The following PCDHA12 variants were observed in gnomAD, a reference collection of about 807,000 sequenced individuals.
PCDHA12 encodes the protein protocadherin alpha 12.
A neutral mutation model predicts 60.0 loss-of-function variants in PCDHA12; 44 were observed. The ratio of observed to expected loss-of-function variants is 0.73; its 90% CI spans 0.58 to 0.94. The LOEUF (loss-of-function observed/expected upper bound fraction) is 0.94. PCDHA12 is among the 40% of genes least tolerant of loss of function. PCDHA12 has a pLI of 0.00. For synonymous variants in PCDHA12, 569 were observed against 553.0 expected, an observed-to-expected ratio of 1.03 and a Z score of -0.40; for missense variants, 1,276 against 1,239.7, an observed-to-expected ratio of 1.03 and a Z score of -0.44.
At chr5:140,911,560 A>T (rs1554194794) in intron 1 of PCDHA12, among the ~76,000 whole-genome samples, 2 of 152,170 alleles carry the variant, frequency 1.3e-5, no homozygotes, top group Non-Finnish European at 2.9e-5. Flanking sequence ...ATTTTCTTTC[A>T]TCACTTTGTC....
intron 1 of PCDHA12, among the ~76,000 whole-genome samples, chr5:140,919,699 C>T (rs946203919): frequency 3.3e-5 from 5 of 152,084 alleles, no homozygotes; most frequent in African/African-American, 1.2e-4. Context: ...TTTATATTAA[C>T]TTAATTCTAG....
chr5:141,006,436 A>G (rs2153987648), intron 3 of PCDHA12, among the ~76,000 whole-genome samples: 1 of 152,098 alleles, frequency 6.6e-6, no homozygotes, highest in African/African-American at 2.4e-5. Context: ...GATGGTCTCA[A>G]TCTCCTGACC....
chr5:140,981,498 T>C (rs1299157295), intron 2 of PCDHA12, among the ~76,000 whole-genome samples: 1 of 152,146 alleles, frequency 6.6e-6, no homozygotes, highest in African/African-American at 2.4e-5. Context: ...TGCTTGAACC[T>C]GGGAGGCAGA....
chr5:140,882,490 T>C, intron 1 of PCDHA12: 1 of 1,614,024 alleles, frequency 6.2e-7, no homozygotes, highest in Non-Finnish European at 8.5e-7. Context: ...ACGGGGACCT[T>C]CTGGAGGTAA....
At chr5:140,974,165 G>A (rs1298109600) in intron 1 of PCDHA12, among the ~76,000 whole-genome samples, 1 of 152,164 alleles carries the variant, frequency 6.6e-6, no homozygotes, top group Admixed American at 6.5e-5. Flanking sequence ...TTTCTTTCAA[G>A]AATTTTAACT....
chr5:141,005,664 T>G (rs1554260244), intron 3 of PCDHA12, among the ~76,000 whole-genome samples: 1 of 122,102 alleles, frequency 8.2e-6, no homozygotes. Flanking sequence ...ATCGCGCCAC[T>G]GCACTCCAGC....
In PCDHA12 at chr5:140,876,487, G is replaced by A. The variant is rs782413739; in HGVS notation, c.1015G>A (p.Glu339Lys). The A allele has an allele frequency of 4.3e-6, 7 of 1,613,904 alleles. No individual in the cohort carries two copies. Among genetic ancestry groups the A allele is most frequent in the Non-Finnish European group, 5.9e-6 (7 of 1,179,902 alleles). Reference sequence around the variant, plus strand: ...GGCAGGTCACAGCATGGTCCTGGTGGAAGTTCTGGACGTGAATGACAATGT... The same window carrying A: ...GGCAGGTCACAGCATGGTCCTGGTGAAAGTTCTGGACGTGAATGACAATGT... ...SMAGHSMVLV[E>K]VLDVNDNVPE... Residue 339 changes from glutamate to lysine, a missense_variant, in exon 1 of 4, where the codon GAA becomes AAA. Physicochemically the swap from Glu to Lys is moderately conservative, Grantham distance 56. Transcript: ENST00000398631.
chr5:140,896,594 C>G (rs1583238277), intron 1 of PCDHA12, among the ~76,000 whole-genome samples: 1 of 150,950 alleles, frequency 6.6e-6, no homozygotes, highest in Non-Finnish European at 1.5e-5. Flanking sequence ...CCAGGCTGGT[C>G]TCGAACTCCT....
chr5:140,977,122 AG>A (rs2096747423), intron 1 of PCDHA12, among the ~76,000 whole-genome samples: 1 of 152,226 alleles, frequency 6.6e-6, no homozygotes, highest in South Asian at 2.1e-4. Flanking sequence ...TAATGAACTG[AG>A]TTTCCTGGTC....
chr5:140,946,731 G>T (rs1183627101), intron 1 of PCDHA12, among the ~76,000 whole-genome samples: 1 of 150,574 alleles, frequency 6.6e-6, no homozygotes, highest in African/African-American at 2.5e-5. Flanking sequence ...AATAAGCCAG[G>T]CACAGAAAGA....
chr5:141,000,418 T>C (rs2097923101), intron 3 of PCDHA12, among the ~76,000 whole-genome samples: 1 of 83,682 alleles, frequency 1.2e-5, no homozygotes, highest in Admixed American at 1.7e-4. Flanking sequence ...TATATATATA[T>C]ATATTTTTTT....
At chr5:140,924,901 AAAAATAAAAT>A (rs10667761) in intron 1 of PCDHA12, among the ~76,000 whole-genome samples, 1,500 of 80,408 alleles carry the variant, frequency 0.019, 14 homozygotes, top group African/African-American at 0.052. Context: ...TCTCAAAAAA[AAAAATAAAAT>A]AAAATAAAAT....
At position 140,875,707 on chromosome 5, in the gene PCDHA12, C is replaced by G. The variant is rs782640816; in HGVS notation, c.235C>G (p.Leu79Val). ...KRHGDLLEVN[L>V]QNGILFVNSR... ...ACACGGGGACCTTCTGGAGGTAAAT[C>G]TGCAGAATGGCATTTTGTTTGTGAA... Residue 79 changes from leucine (L) to valine (V), a missense_variant, in exon 1 of 4, where the codon CTG (leucine) becomes GTG (valine). Transcript: ENST00000398631. The G allele has an allele frequency of 6.2e-6, 10 of 1,614,048 alleles. No homozygotes were observed. In the South Asian group the frequency reaches 6.6e-5, roughly 11 times the overall value.
In PCDHA12 at chr5:141,010,283, C is replaced by T. The variant is rs1554262872; in HGVS notation, c.*346C>T. ...TGCTCCGGGGATCCTGTCTTGATGACACTTGCAGGGCAGGCTGAAAAGTTT... is the reference window on the plus strand; with the variant it reads ...TGCTCCGGGGATCCTGTCTTGATGATACTTGCAGGGCAGGCTGAAAAGTTT... On this transcript the variant is annotated 3_prime_UTR_variant, in exon 4 of 4. Transcript: ENST00000398631. 6.4e-7 allele frequency: 1 copy of T among 1,551,220 alleles called. No individual in the cohort carries two copies. The highest frequency in any genetic ancestry group is 1.4e-5 in the African/African-American group (1 of 73,110).
At chr5:140,928,097 C>T (rs2084934742) in intron 1 of PCDHA12, 2 of 1,614,054 alleles carry the variant, frequency 1.2e-6, no homozygotes, top group African/African-American at 2.7e-5. Flanking sequence ...ATTGATGGGC[C>T]CCTGGACCGG....
chr5:140,920,403 T>A (rs1440027208), intron 1 of PCDHA12, among the ~76,000 whole-genome samples: 3 of 152,356 alleles, frequency 2.0e-5, no homozygotes, highest in South Asian at 2.1e-4. Context: ...TGTCTTTTTT[T>A]AATCAGATAC....
At chr5:140,954,831 C>CCT (rs2095096167) in intron 1 of PCDHA12, among the ~76,000 whole-genome samples, 1 of 152,116 alleles carries the variant, frequency 6.6e-6, no homozygotes, top group Admixed American at 6.5e-5. Flanking sequence ...GCACTTTTGT[C>CCT]ATGAAATCTT....
intron 1 of PCDHA12, among the ~76,000 whole-genome samples, chr5:140,909,299 T>G (rs561949225): frequency 6.6e-6 from 1 of 152,320 alleles, no homozygotes; most frequent in Non-Finnish European, 1.5e-5. Flanking sequence ...TGGACAGGAA[T>G]GGAGAAAAAG....
In PCDHA12 at chr5:140,877,446, G is replaced by T; in HGVS notation, c.1974G>T (p.Ala658=). The change falls in exon 1 of 4, where the codon GCG becomes GCT. Residue 658 remains alanine, a synonymous_variant. Transcript: ENST00000398631. ...TGGTGAAGGACCACGGTGAGCCCGC[G>T]CTGACGTCCACGGCCACGGTGCTGG... The part of the protein sequence containing the change: ...LVLVKDHGEP[A]LTSTATVLVS... 6.2e-7 allele frequency: 1 copy of T among 1,613,856 alleles called. No individual in the cohort carries two copies. Among genetic ancestry groups the T allele is most frequent in the Non-Finnish European group, 8.5e-7 (1 of 1,179,862 alleles).
Sources: gnomAD v4.1 joint callset for allele counts (sites outside exome capture counted in the v4.1 genomes callset) on GRCh38, gnomAD v4.1.1 for gene constraint, MANE v1.5 for transcripts, NCBI Gene and HGNC (gene_info 2026-07-23, HGNC 2026-07-21) for gene names.